MTERF4: variants seen among roughly 807,000 people sequenced by gnomAD.
MTERF4 encodes transcription termination factor 4, mitochondrial.
Under a neutral mutation model 22.5 loss-of-function variants are expected in MTERF4, and 17 were observed. The observed-to-expected ratio is 0.75, with a 90% CI of 0.52 to 1.13. The LOEUF (loss-of-function observed/expected upper bound fraction) is 1.13, where lower values mean the gene tolerates loss of function less well. Ranked by LOEUF, MTERF4 falls within the 50% of genes most tolerant of loss-of-function variation. The pLI is 0.00. For synonymous variants in MTERF4, 165 were observed against 175.3 expected (o/e 0.94, Z 0.47); for missense variants, 420 against 466.8 (o/e 0.90, Z 0.92).
rs572508148 is a variant in MTERF4 at position 241,073,509 on chromosome 2, G to T, written n.2653C>A. On this transcript the variant is annotated non_coding_transcript_exon_variant, in exon 5 of 5. Coordinates refer to the MTERF4 transcript ENST00000464344. This position sits in a 1 kb window ranked among gnomAD's most constrained non-coding sequence, Gnocchi z 6.6. Reference sequence around the variant, plus strand: ...GGGGAGGCTGAGCACCAGGCACCCCGGTGTGGGAAGATGGGGTGAAGCTAC... The same window carrying T: ...GGGGAGGCTGAGCACCAGGCACCCCTGTGTGGGAAGATGGGGTGAAGCTAC... 10 of 703,674 alleles carry T rather than the reference G, an allele frequency of 1.4e-5. No homozygotes were observed. The highest frequency in any genetic ancestry group is 2.3e-5 in the Non-Finnish European group (9 of 389,960). The allele number at this position is 703,674 out of a possible 1,614,324, so 43.6% of individuals were successfully genotyped here. A position where few individuals can be genotyped will look rare whatever the true frequency, so the allele number is the denominator to read the frequency against.
At chr2:241,048,896 C>CT in the MTERF4 span, 4 of 1,180,202 alleles carry the variant, frequency 3.4e-6, no homozygotes, top group East Asian at 1.0e-4. Flanking sequence ...CCAGGAGGGA[C>CT]TGGCCACAAG....
chr2:241,062,121 T>A, the MTERF4 span, among the ~76,000 whole-genome samples: 116 of 152,310 alleles, frequency 7.6e-4, no homozygotes, highest in East Asian at 0.02. Flanking sequence ...ATTTATAAAA[T>A]TTTTAAGCTA....
the MTERF4 span, among the ~76,000 whole-genome samples, chr2:241,046,926 C>T: frequency 8.5e-5 from 13 of 152,158 alleles, no homozygotes; most frequent in Admixed American, 7.2e-4. Context: ...AGGCGGATCA[C>T]GAGGTCAGGA....
downstream of MTERF4, chr2:241,069,160 C>A (rs1359603021): frequency 4.8e-6 from 3 of 624,268 alleles, no homozygotes; most frequent in Admixed American, 3.1e-5. This position sits in a 1 kb window ranked among gnomAD's most constrained non-coding sequence, Gnocchi z 4.9. Context: ...GATGTCTCTT[C>A]CGCTGGGGCC....
downstream of MTERF4, chr2:241,067,960 A>C (rs1290564420): frequency 5.0e-6 from 8 of 1,595,180 alleles, no homozygotes; most frequent in Non-Finnish European, 6.0e-6. Flanking sequence ...AAGAAGGGAC[A>C]CCCAGAGCAT....
chr2:241,047,855 CG>C, the MTERF4 span, among the ~76,000 whole-genome samples: 3 of 132,320 alleles, frequency 2.3e-5, no homozygotes, highest in African/African-American at 8.6e-5. Flanking sequence ...TGTCCAATCC[CG>C]GGTGGCTTCT....
chr2:241,078,910 T>C (rs1264880758), intron 4 of MTERF4, among the ~76,000 whole-genome samples: 2 of 148,020 alleles, frequency 1.4e-5, no homozygotes, highest in African/African-American at 5.0e-5. Context: ...GGTCAGGAGT[T>C]CGAGACCAGC....
the MTERF4 span, chr2:241,063,352 G>A: frequency 1.4e-5 from 8 of 567,370 alleles, no homozygotes; most frequent in South Asian, 1.1e-4. Context: ...ATTGCGGAGT[G>A]GCCTGGAGGA....
At chr2:241,048,784 C>G in the MTERF4 span, 1 of 1,566,482 alleles carries the variant, frequency 6.4e-7, no homozygotes, top group East Asian at 2.3e-5. Context: ...CCCAGGTCAC[C>G]CTTCCTGCCC....
chr2:241,071,701 A>ACCCCCCCCCCCCCC, downstream of MTERF4: 1 of 1,281,770 alleles, frequency 7.8e-7, no homozygotes, highest in Non-Finnish European at 1.1e-6. Context: ...CGCCCCCGAG[A>ACCCCCCCCCCCCCC]CCCCCACCCA....
the MTERF4 span, among the ~76,000 whole-genome samples, chr2:241,053,845 G>A: frequency 2.6e-5 from 4 of 152,206 alleles, no homozygotes; most frequent in African/African-American, 9.7e-5. Context: ...TCTGACCGAA[G>A]CCCCTGGAGA....
rs1386814350 is a variant in MTERF4 at position 241,078,675 on chromosome 2, C to G, written n.480-2993G>C. Among the ~76,000 whole-genome samples, 3 of 151,806 alleles carry G rather than the reference C, an allele frequency of 2.0e-5. 1 individual carries two copies. The highest frequency in any genetic ancestry group is 4.4e-5 in the Non-Finnish European group (3 of 68,010). On this transcript the variant is annotated intron_variant and non_coding_transcript_variant, in intron 4 of 4. Transcript: ENST00000464344. ...GGAAGGCAGTAACAGCTAAAAGGTA[C>G]AAGGTTTCTTTCTGAGGTCACGAAA...
chr2:241,099,977 T>G, intron 1 of MTERF4, 83 bp from the exon 2 acceptor site: 1 of 1,488,174 alleles, frequency 6.7e-7, no homozygotes, highest in Non-Finnish European at 9.0e-7. Context: ...GCCAGAGTAC[T>G]TACTGCCTTG....
chr2:241,102,247 G>C lies in MTERF4; in HGVS notation c.21+6C>G, dbSNP rs773277584. 3.2e-6 allele frequency: 5 copies of C among 1,549,452 alleles called. No individual in the cohort carries two copies. The South Asian group carries it at 3.6e-5, about 11-fold the overall frequency. ...GGAGAAGCCCGCGCGCCCAGCTCGA[G>C]CTTACCTGACGGCCGAACGCAGCCA... On this transcript the variant is annotated splice_donor_region_variant and intron_variant, in intron 1 of 3. Coordinates refer to ENST00000391980, the MANE Select transcript of MTERF4 (RefSeq NM_182501.4).
At chr2:241,101,122 T>C (rs1043885495) in intron 1 of MTERF4, 8 of 459,088 alleles carry the variant, frequency 1.7e-5, no homozygotes, top group Non-Finnish European at 3.2e-5. Flanking sequence ...ATTTCTGTTA[T>C]TTTCACGTTG....
downstream of MTERF4, chr2:241,071,626 C>T (rs781308225): frequency 5.0e-6 from 8 of 1,586,508 alleles, no homozygotes; most frequent in African/African-American, 4.0e-5. Context: ...ACACCACCCT[C>T]GGGTGCTCAA....
downstream of MTERF4, chr2:241,067,623 C>A (rs1397643430): frequency 4.7e-6 from 3 of 637,968 alleles, no homozygotes; most frequent in Non-Finnish European, 8.0e-6. Flanking sequence ...GCCCGAGTTC[C>A]CTGAGCAGTT....
At chr2:241,088,303 G>A, downstream of MTERF4, 1 of 1,182,012 alleles carries the variant, frequency 8.5e-7, no homozygotes, top group South Asian at 1.2e-5. Context: ...GACTGAGGTA[G>A]CTGTAGAATT....
chr2:241,064,951 G>T, the MTERF4 span: 3 of 1,580,368 alleles, frequency 1.9e-6, no homozygotes, highest in South Asian at 3.5e-5. This position sits in a 1 kb window ranked among gnomAD's most constrained non-coding sequence, Gnocchi z 7.0. Context: ...CGAGGACTGC[G>T]CCAAAGGTGG....
Sources: allele counts gnomAD v4.1 joint callset (sites outside exome capture counted in the v4.1 genomes callset), GRCh38; gene constraint gnomAD v4.1.1; non-coding constraint Gnocchi (gnomAD v3.1); transcripts MANE v1.5; gene names NCBI Gene and HGNC (gene_info 2026-07-23, HGNC 2026-07-21).